GCN1: variants seen among roughly 807,000 people sequenced by gnomAD.
The protein encoded by GCN1 is GCN1 activator of EIF2AK4.
In GCN1, 90 loss-of-function variants were observed where a neutral mutation model predicts 288.4. The ratio of observed to expected loss-of-function variants is 0.31; its 90% confidence interval spans 0.26 to 0.37. The LOEUF is 0.37. GCN1 is among the 10% of genes least tolerant of loss of function. The pLI is 1.00. For synonymous variants in GCN1, 1,386 were observed against 1,420.2 expected, an observed-to-expected ratio of 0.98 and a Z score of 0.54; for missense variants, 2,586 against 3,419.9, an observed-to-expected ratio of 0.76 and a Z score of 6.08.
At chr12:120,173,934 TA>T (rs1566315490) in intron 13 of GCN1, 108 bp from the exon 14 acceptor site, 21 of 1,060,352 alleles carry the variant, frequency 2.0e-5, no homozygotes, top group Non-Finnish European at 3.0e-5. Context: ...GAAGCAGTGA[TA>T]TTTCAGACAG....
At position 120,149,623 on chromosome 12, in the gene GCN1, G is replaced by A. The variant is rs750993380; in HGVS notation, c.4529C>T (p.Ser1510Leu). The change falls in exon 36 of 58, where the codon TCG becomes TTG. Residue 1510 changes from serine to leucine, a missense_variant. Transcript: ENST00000300648. ...PSLLAALEEE[S>L]WRTKAGSVEL... is the part of the protein sequence containing the mutation. ...GGTCTTACCAGCTTTGGTCCGCCAC[G>A]ATTCCTCCTCCAGGGCAGCCAGTAA... 2.4e-5 allele frequency: 39 copies of A among 1,612,862 alleles called. No individual in the cohort carries two copies. The highest frequency in any genetic ancestry group is 3.1e-5 in the Non-Finnish European group (37 of 1,179,184).
rs552596196 is a variant in GCN1 at position 120,128,733 on chromosome 12, T to C, written c.7890+543A>G. On this transcript the variant is annotated intron_variant, in intron 57 of 57. Coordinates refer to ENST00000300648, the MANE Select transcript of GCN1 (RefSeq NM_006836.2). Reference sequence around the variant, plus strand: ...CTCTCCTGGGATCTGCTATGTCTGTTTGGGTGTCATGTGAGATTTTATTTG... The same window carrying C: ...CTCTCCTGGGATCTGCTATGTCTGTCTGGGTGTCATGTGAGATTTTATTTG... 3.9e-5 allele frequency among the ~76,000 whole-genome samples: 6 copies of C among 152,218 alleles called. No individual in the cohort carries two copies. The East Asian group carries it at 1.2e-3, about 29-fold the overall frequency.
chr12:120,147,270 T>G lies in GCN1; in HGVS notation c.4729A>C (p.Ile1577Leu). The change falls in exon 38 of 58, where the codon ATT becomes CTT. Residue 1577 changes from isoleucine (I) to leucine (L), a missense_variant and splice_region_variant. Around this residue, in one of 8 missense-constraint regions of GCN1, gnomAD observed 371 missense variants for 572.6 expected, o/e 0.65. Coordinates refer to ENST00000300648, the MANE Select transcript of GCN1 (RefSeq NM_006836.2). ...AGGGCATCCAGGAGGACTGGAGCAA[T>G]GGCTGCACATCCAAAGAGAAGAGAG... ...SVIRNPEILA[I>L]APVLLDALTD... 6.3e-7 allele frequency: 1 copy of G among 1,577,178 alleles called. No homozygotes were observed. Among genetic ancestry groups the G allele is most frequent in the South Asian group, 1.1e-5 (1 of 88,472 alleles).
rs766116567 is a variant in GCN1, at chr12:120,130,697, G to A, written c.7620C>T (p.Ile2540=). The change falls in exon 56 of 58, where the codon ATC becomes ATT. Residue 2540 remains isoleucine, a synonymous_variant. Transcript: ENST00000300648. ...RGMGFLMRHH[I]ETGGGQLPAK... ...CCGGCAACTGCCCTCCGCCTGTCTC[G>A]ATGTGGTGTCTCATGAGAAAGCCCA... The A allele has an allele frequency of 1.2e-5, 20 of 1,613,928 alleles. No homozygotes were observed. Among genetic ancestry groups the A allele is most frequent in the Non-Finnish European group, 1.7e-5 (20 of 1,179,866 alleles).
At chr12:120,173,135 C>T (rs1340234733) in intron 14 of GCN1, among the ~76,000 whole-genome samples, 3 of 150,754 alleles carry the variant, frequency 2.0e-5, no homozygotes, top group Admixed American at 2.0e-4. Flanking sequence ...TCTCGGCTCA[C>T]TGCAACCTCC....
rs1338709297 is a variant in GCN1 at position 120,162,978 on chromosome 12, G to A, written c.2039-7C>T. ...AGTCCAGACTGCACGGCAACTGAAG[G>A]GGAAGGGAGCTCTTTGAGGCCTTCT... On this transcript the variant is annotated splice_region_variant and splice_polypyrimidine_tract_variant and intron_variant, in intron 19 of 57. Coordinates refer to ENST00000300648, the MANE Select transcript of GCN1 (RefSeq NM_006836.2). 2 of 1,614,112 alleles carry A rather than the reference G, an allele frequency of 1.2e-6. No homozygotes were observed. Among genetic ancestry groups the A allele is most frequent in the East Asian group, 4.5e-5 (2 of 44,898 alleles).
intron 17 of GCN1, 37 bp downstream of exon 17, chr12:120,164,609 T>C: frequency 6.2e-7 from 1 of 1,605,382 alleles, no homozygotes; most frequent in Non-Finnish European, 8.5e-7. Context: ...CTTTGCCTCA[T>C]TTGGCCCAAA....
At chr12:120,146,589 T>A (rs1232487239) in intron 38 of GCN1, among the ~76,000 whole-genome samples, 10 of 87,234 alleles carry the variant, frequency 1.1e-4, no homozygotes, top group African/African-American at 3.4e-4. Flanking sequence ...TTTTATATAT[T>A]TTTTTTGCCC....
chr12:120,185,039 CAG>C (rs1331333712), intron 2 of GCN1, 152 bp from the exon 3 acceptor site: 21 of 633,608 alleles, frequency 3.3e-5, no homozygotes, highest in African/African-American at 3.3e-4. Flanking sequence ...AACAACAAAA[CAG>C]GACTCTAGGA....
At chr12:120,168,871 T>TG (rs1437057443) in intron 15 of GCN1, among the ~76,000 whole-genome samples, 2 of 152,202 alleles carry the variant, frequency 1.3e-5, no homozygotes, top group East Asian at 3.8e-4. Flanking sequence ...CATCTTAGCA[T>TG]TCCCCCAGGT....
chr12:120,148,477 AG>A, intron 36 of GCN1, 131 bp from the exon 37 acceptor site: 1 of 695,904 alleles, frequency 1.4e-6, no homozygotes, highest in Non-Finnish European at 2.4e-6. Context: ...CACTGGGAGG[AG>A]GGGAGAGGGG....
chr12:120,138,670 G>A (rs768156976), intron 46 of GCN1, 25 bp downstream of exon 46: 1 of 1,602,656 alleles, frequency 6.2e-7, no homozygotes, highest in South Asian at 1.1e-5. Context: ...AAACTGGTAG[G>A]TAGGTGTGTG....
intron 2 of GCN1, among the ~76,000 whole-genome samples, chr12:120,186,867 C>A (rs1419852731): frequency 3.3e-5 from 5 of 152,230 alleles, no homozygotes; most frequent in Admixed American, 6.5e-5. Flanking sequence ...TGAAGCAGGT[C>A]ACACAGCCTG....
At chr12:120,181,475 A>AAAAAAAG in intron 5 of GCN1, among the ~76,000 whole-genome samples, 1 of 150,614 alleles carries the variant, frequency 6.6e-6, no homozygotes, top group Non-Finnish European at 1.5e-5. Flanking sequence ...CAAAAAAAAA[A>AAAAAAAG]AAAAAAAAAA....
rs879131167 is a variant in GCN1, at chr12:120,153,554, A to G, written c.3868-147T>C. On this transcript the variant is annotated intron_variant, in intron 32 of 57. Coordinates refer to ENST00000300648, the MANE Select transcript of GCN1 (RefSeq NM_006836.2). This position sits in a 1 kb window ranked among gnomAD's most constrained non-coding sequence, Gnocchi z 4.4. ...CCAGTGGCTCTTCCAGTTTTCTGGC[A>G]GGACTGCCACAGACTTAAAAGAATT... 1.8e-5 allele frequency: 16 copies of G among 891,702 alleles called. No individual in the cohort carries two copies. The South Asian group carries it at 2.4e-4, about 13-fold the overall frequency. 55.2% of individuals were successfully genotyped at this position (891,702 alleles called of 1,614,324 possible).
chr12:120,149,247 C>T (rs1021334306), intron 36 of GCN1, among the ~76,000 whole-genome samples: 9 of 151,970 alleles, frequency 5.9e-5, no homozygotes, highest in African/African-American at 2.4e-5. Flanking sequence ...GCTGGCCAGG[C>T]GTGGTGACTC....
Position 120,158,038 on chromosome 12 carries a change from A to T in GCN1, c.2906-8T>A. 6.2e-7 allele frequency: 1 copy of T among 1,613,096 alleles called. No individual in the cohort carries two copies. Among genetic ancestry groups the T allele is most frequent in the Non-Finnish European group, 8.5e-7 (1 of 1,179,502 alleles). On this transcript the variant is annotated splice_polypyrimidine_tract_variant and splice_region_variant and intron_variant, in intron 25 of 57. Coordinates refer to ENST00000300648, the MANE Select transcript of GCN1 (RefSeq NM_006836.2). This position sits in a 1 kb window ranked among gnomAD's most constrained non-coding sequence, Gnocchi z 4.3. ...CGGACAAGGGCGCAGCACCTGTGAG[A>T]GCGAGAAGCAGATAAGATTCTGCAG...
Position 120,156,852 on chromosome 12 carries a change from G to T in GCN1, c.3168+60C>A. The T allele has an allele frequency of 8.4e-7, 1 of 1,189,438 alleles. No homozygotes were observed. Among genetic ancestry groups the T allele is most frequent in the Non-Finnish European group, 1.3e-6 (1 of 792,164 alleles). The allele number at this position is 1,189,438 out of a possible 1,614,324, so 73.7% of individuals were successfully genotyped here. On this transcript the variant is annotated intron_variant, in intron 27 of 57. Transcript: ENST00000300648. The surrounding 1 kb of genome is among the most constrained non-coding windows in gnomAD (Gnocchi z 5.8). Reference sequence around the variant, plus strand: ...AACTAGGACTCCACCCTTTACACTGGGACTTGAGGTCTGGGTCACGAACTG... The same window carrying T: ...AACTAGGACTCCACCCTTTACACTGTGACTTGAGGTCTGGGTCACGAACTG...
In GCN1 at chr12:120,170,200, G is replaced by A. The variant is rs541632555; in HGVS notation, c.1488C>T (p.Leu496=). 6.2e-7 allele frequency: 1 copy of A among 1,614,156 alleles called. No individual in the cohort carries two copies. The highest frequency in any genetic ancestry group is 2.2e-5 in the East Asian group (1 of 44,884). The change falls in exon 15 of 58, where the codon CTC becomes CTT. Residue 496 remains leucine (L), a synonymous_variant. Transcript: ENST00000300648. ...ITEGVAAALL[L]LKLSVADSQA... ...GTGAGTCAGCCACTGACAACTTTAA[G>A]AGCAACAAGGCTGCGGCAACCCCTT...
Sources: allele counts gnomAD v4.1 joint callset (sites outside exome capture counted in the v4.1 genomes callset), GRCh38; gene constraint gnomAD v4.1.1; regional missense constraint gnomAD v4.1.1; non-coding constraint Gnocchi (gnomAD v3.1); transcripts MANE v1.5; gene names NCBI Gene and HGNC (gene_info 2026-07-23, HGNC 2026-07-21).